NLRP11: variants seen among roughly 807,000 people sequenced by gnomAD.
NLRP11 encodes the protein NLR family pyrin domain containing 11.
In NLRP11, 53 loss-of-function variants were observed where a neutral mutation model predicts 79.3. The ratio of observed to expected loss-of-function variants is 0.67; its 90% confidence interval spans 0.54 to 0.84. The LOEUF (loss-of-function observed/expected upper bound fraction) is 0.84. Ranked by LOEUF, NLRP11 falls within the 40% of genes least tolerant of loss-of-function variation. The pLI, the probability that NLRP11 is intolerant of heterozygous loss-of-function variation, is 0.00. For missense variants in NLRP11, 1,264 were observed against 1,255.0 expected (o/e 1.01, Z -0.11); for synonymous variants, 518 against 462.6 (o/e 1.12, Z -1.54).
At chr19:55,785,815 T>G in exon 10 of NLRP11, 1 of 1,614,172 alleles carries the variant, frequency 6.2e-7, no homozygotes, top group Non-Finnish European at 8.5e-7. Flanking sequence ...GGGTTTTCTT[T>G]CCTTTACAGT....
intron 8 of NLRP11, 87 bp downstream of exon 8, chr19:55,789,142 T>C: frequency 2.1e-6 from 3 of 1,416,144 alleles, no homozygotes; most frequent in Non-Finnish European, 2.9e-6. Context: ...ATGTCCGAGG[T>C]ATTGTATTTC....
chr19:55,793,742 G>T (rs1048615027), intron 6 of NLRP11, among the ~76,000 whole-genome samples: 1 of 152,032 alleles, frequency 6.6e-6, no homozygotes, highest in Non-Finnish European at 1.5e-5. Context: ...GCTTTAAAAT[G>T]ATCGGAAAAT....
At chr19:55,790,620 A>G (rs1225006394) in intron 7 of NLRP11, among the ~76,000 whole-genome samples, 1 of 152,224 alleles carries the variant, frequency 6.6e-6, no homozygotes, top group Non-Finnish European at 1.5e-5. Context: ...AATGTATATT[A>G]AATACTGAAT....
intron 4 of NLRP11, among the ~76,000 whole-genome samples, chr19:55,803,560 T>C (rs1979688944): frequency 6.6e-6 from 1 of 152,154 alleles, no homozygotes; most frequent in Non-Finnish European, 1.5e-5. Flanking sequence ...AAACAATGCA[T>C]CTGACAAACG....
At chr19:55,790,430 C>A (rs571817176) in intron 7 of NLRP11, among the ~76,000 whole-genome samples, 213 of 152,186 alleles carry the variant, frequency 1.4e-3, no homozygotes, top group African/African-American at 4.9e-3. Context: ...AGATTTGGCG[C>A]CTGGGTGATA....
At chr19:55,789,440 C>T (rs1990107001) in intron 7 of NLRP11, 41 bp from the exon 8 acceptor site, 2 of 1,560,916 alleles carry the variant, frequency 1.3e-6, no homozygotes, top group Admixed American at 3.8e-5. Context: ...GACCACCTGT[C>T]TCCAAAGATT....
intron 4 of NLRP11, among the ~76,000 whole-genome samples, chr19:55,802,055 A>G (rs965698780): frequency 6.6e-6 from 1 of 152,198 alleles, no homozygotes; most frequent in African/African-American, 2.4e-5. Flanking sequence ...CACATGCACA[A>G]GTTTAACCAT....
intron 1 of NLRP11, among the ~76,000 whole-genome samples, chr19:55,823,597 C>T (rs886820431): frequency 1.0e-4 from 15 of 144,476 alleles, no homozygotes; most frequent in Non-Finnish European, 1.9e-4. Flanking sequence ...AACCAAGGCT[C>T]GAGAACTACG....
rs1282447285 is a variant in NLRP11 at position 55,809,134 on chromosome 19, A to G, written c.1476T>C (p.Phe492=). 1.2e-6 allele frequency: 2 copies of G among 1,613,976 alleles called. No homozygotes were observed. The highest frequency in any genetic ancestry group is 1.1e-5 in the South Asian group (1 of 91,080). The change falls in exon 3 of 10, where the codon TTT becomes TTC. Residue 492 remains phenylalanine, a synonymous_variant. Coordinates refer to ENST00000589093, the Ensembl canonical transcript of NLRP11. This position sits in a 1 kb window ranked among gnomAD's most constrained non-coding sequence, Gnocchi z 4.5. ...CATTTAGAAGACCAAAAATGAAAGT[A>G]AACACTTGATTAAAGTCAGAGTATT...
chr19:55,819,986 A>T (rs894420361), intron 1 of NLRP11, among the ~76,000 whole-genome samples: 6 of 152,180 alleles, frequency 3.9e-5, no homozygotes, highest in African/African-American at 1.4e-4. Context: ...AAAGATACTC[A>T]TGATCCCCCA....
chr19:55,822,273 T>TAA (rs3073266), intron 1 of NLRP11, among the ~76,000 whole-genome samples: 42,672 of 151,692 alleles, frequency 0.28, 7,809 homozygotes, highest in African/African-American at 0.52. Context: ...CAAAAAGAAA[T>TAA]AAAAAAAGAT....
intron 2 of NLRP11, among the ~76,000 whole-genome samples, chr19:55,816,618 A>G (rs1487472770): frequency 2.0e-5 from 3 of 152,170 alleles, no homozygotes; most frequent in African/African-American, 4.8e-5. Context: ...TGACGCTTAC[A>G]CAGAGTCCCC....
intron 2 of NLRP11, among the ~76,000 whole-genome samples, chr19:55,811,431 G>A (rs1980592660): frequency 6.6e-6 from 1 of 152,152 alleles, no homozygotes; most frequent in Non-Finnish European, 1.5e-5. Flanking sequence ...CTGGCAGCAT[G>A]GAAGAACTTT....
chr19:55,829,674 A>AT (rs112926067), intron 1 of NLRP11, among the ~76,000 whole-genome samples: 1,738 of 149,712 alleles, frequency 0.012, 47 homozygotes, highest in African/African-American at 0.04. Context: ...AAAAAAAAAA[A>AT]AAAAAAAAAA....
intron 5 of NLRP11, among the ~76,000 whole-genome samples, chr19:55,798,825 T>C (rs555858824): frequency 6.6e-6 from 1 of 152,004 alleles, no homozygotes; most frequent in Non-Finnish European, 1.5e-5. Context: ...CTCTTTTCCA[T>C]GTAGCAAGCA....
chr19:55,808,574 A>G (rs554347039), intron 3 of NLRP11, among the ~76,000 whole-genome samples, 195 bp downstream of exon 3: 1 of 152,310 alleles, frequency 6.6e-6, no homozygotes, highest in East Asian at 1.9e-4. Flanking sequence ...CCAAAACTTC[A>G]ACAGTGCTGA....
At chr19:55,821,205 TCACACACACA>T (rs950312294) in intron 1 of NLRP11, among the ~76,000 whole-genome samples, 9 of 85,220 alleles carry the variant, frequency 1.1e-4, no homozygotes, top group East Asian at 3.6e-4. Context: ...TCTCTCTCTC[TCACACACACA>T]CACACACACA....
intron 9 of NLRP11, among the ~76,000 whole-genome samples, chr19:55,787,526 G>C (rs1989955338): frequency 6.6e-6 from 1 of 152,112 alleles, no homozygotes; most frequent in Non-Finnish European, 1.5e-5. Flanking sequence ...TAGTAGAAAT[G>C]GGTTTTCACC....
intron 5 of NLRP11, chr19:55,798,329 G>A (rs576758993): frequency 7.3e-5 from 72 of 985,064 alleles, no homozygotes; most frequent in East Asian, 1.1e-4. Flanking sequence ...AGTGAAAGCC[G>A]TTGAGGGCCT....
Sources: allele counts gnomAD v4.1 joint callset (sites outside exome capture counted in the v4.1 genomes callset), GRCh38; gene constraint gnomAD v4.1.1; non-coding constraint Gnocchi (gnomAD v3.1); transcripts MANE v1.5; gene names NCBI Gene and HGNC (gene_info 2026-07-23, HGNC 2026-07-21).